Variants in SMIM23 observed in about 807,000 individuals in gnomAD.
SMIM23 encodes the protein small integral membrane protein 23, also known as CTB-78H18.1.
SMIM23 carries 10 observed loss-of-function variants against 12.8 expected under a neutral mutation model. The observed-to-expected ratio is 0.78, with a 90% CI of 0.48 to 1.32. The LOEUF (loss-of-function observed/expected upper bound fraction) is 1.32. Ranked by LOEUF, SMIM23 falls within the 40% of genes most tolerant of loss-of-function variation. The pLI is 0.00. For missense variants in SMIM23, 184 were observed against 198.2 expected, an observed-to-expected ratio of 0.93 and a Z score of 0.43; for synonymous variants, 78 against 80.1, an observed-to-expected ratio of 0.97 and a Z score of 0.14.
At chr5:171,785,426 A>G (rs576859613), upstream of SMIM23, among the ~76,000 whole-genome samples, 2 of 136,656 alleles carry the variant, frequency 1.5e-5, no homozygotes, top group Non-Finnish European at 3.2e-5. Context: ...GTAATTTTTT[A>G]AAAATAGAGA....
chr5:171,782,957 T>C (rs1485081902), upstream of SMIM23, among the ~76,000 whole-genome samples: 1 of 152,200 alleles, frequency 6.6e-6, no homozygotes, highest in Admixed American at 6.5e-5. Context: ...CAGAGCTCTG[T>C]ATGTGGAACT....
At chr5:171,778,037 G>A (rs1240820951), upstream of SMIM23, among the ~76,000 whole-genome samples, 1 of 152,186 alleles carries the variant, frequency 6.6e-6, no homozygotes, top group Non-Finnish European at 1.5e-5. Context: ...ATAGGACTTT[G>A]CAGATGTCAT....
chr5:171,790,130 TA>T lies in SMIM23; in HGVS notation c.106-99del, dbSNP rs1415551803. 47 of 1,203,008 alleles carry T rather than the reference TA, an allele frequency of 3.9e-5. No individual in the cohort carries two copies. In the African/African-American group the frequency reaches 6.4e-4, roughly 16 times the overall value. The allele number at this position is 1,203,008 out of a possible 1,614,324, so 74.5% of individuals were successfully genotyped here. ...AAAAGTTAAACTCAAAAAACTGTCT[TA>T]TAAGCATTCCCATGTCTGGCCCTTT... On this transcript the variant is annotated intron_variant, in intron 1 of 3. Transcript: ENST00000523047.
At chr5:171,773,770 T>G in the SMIM23 span, 746 of 456,188 alleles carry the variant, frequency 1.6e-3, 15 homozygotes, top group South Asian at 0.011. Context: ...GGAACATAGG[T>G]CATTGTGGCC....
chr5:171,787,508 C>A (rs1001673028), intron 1 of SMIM23, among the ~76,000 whole-genome samples: 2 of 152,174 alleles, frequency 1.3e-5, no homozygotes, highest in Non-Finnish European at 2.9e-5. Flanking sequence ...GGGAAGAAAT[C>A]AACCTGTAAA....
upstream of SMIM23, among the ~76,000 whole-genome samples, chr5:171,781,724 A>G (rs1016230700): frequency 4.6e-5 from 7 of 152,206 alleles, no homozygotes; most frequent in Non-Finnish European, 8.8e-5. Flanking sequence ...ATGAAATGCC[A>G]CACGCACCAA....
the SMIM23 span, among the ~76,000 whole-genome samples, chr5:171,776,847 G>A: frequency 1.4e-4 from 22 of 152,292 alleles, no homozygotes; most frequent in South Asian, 1.2e-3. Context: ...ATTGAGGGGC[G>A]CTTCACACTC....
chr5:171,780,654 C>T (rs1755711741), upstream of SMIM23, among the ~76,000 whole-genome samples: 1 of 152,130 alleles, frequency 6.6e-6, no homozygotes, highest in Non-Finnish European at 1.5e-5. Context: ...CTGCATTTGA[C>T]ATTTCAAATG....
Position 171,790,868 on chromosome 5 carries a change from T to G in SMIM23, c.299T>G (p.Leu100Trp). Residue 100 changes from leucine to tryptophan, a missense_variant, in exon 4 of 4, where the codon TTG becomes TGG. Coordinates refer to ENST00000523047, the MANE Select transcript of SMIM23 (RefSeq NM_001289970.2). Reference sequence around the variant, plus strand: ...ATCAGGAACTGGCTGAAGGAGAAGTTGCATGTCTTCTCGGAGAAGTTAGAG... The same window carrying G: ...ATCAGGAACTGGCTGAAGGAGAAGTGGCATGTCTTCTCGGAGAAGTTAGAG... ...KTIRNWLKEK[L>W]HVFSEKLEEE... 1 of 1,536,086 alleles carries G rather than the reference T, an allele frequency of 6.5e-7. No homozygotes were observed. Among genetic ancestry groups the G allele is most frequent in the Non-Finnish European group, 8.7e-7 (1 of 1,146,906 alleles).
chr5:171,782,053 C>G (rs571963952), upstream of SMIM23, among the ~76,000 whole-genome samples: 2 of 152,192 alleles, frequency 1.3e-5, no homozygotes, highest in Admixed American at 6.5e-5. Context: ...TGCTTAGGTA[C>G]CTTTCTAGGT....
Position 171,790,275 on chromosome 5 carries a change from A to T in SMIM23, c.151A>T (p.Ile51Leu). 6.5e-7 allele frequency: 1 copy of T among 1,536,062 alleles called. No individual in the cohort carries two copies. The change falls in exon 2 of 4, where the codon ATA (isoleucine) becomes TTA (leucine). Residue 51 changes from isoleucine to leucine, a missense_variant. Ile to Leu is a conservative substitution (Grantham distance 5). Coordinates refer to ENST00000523047, the MANE Select transcript of SMIM23 (RefSeq NM_001289970.2). ...LILVLYLSTE[I>L]WGSSWEVSER... ...CTTGGTGCTGTACTTGAGCACAGAG[A>T]TATGGGGTGAGCATTCTGGAATCTG...
upstream of SMIM23, among the ~76,000 whole-genome samples, chr5:171,784,909 A>G (rs1439855324): frequency 6.6e-6 from 1 of 152,136 alleles, no homozygotes; most frequent in Non-Finnish European, 1.5e-5. Flanking sequence ...GAATTATACT[A>G]TGTTTTTTTT....
chr5:171,772,806 A>T, the SMIM23 span, among the ~76,000 whole-genome samples: 1 of 152,192 alleles, frequency 6.6e-6, no homozygotes, highest in Non-Finnish European at 1.5e-5. Flanking sequence ...AGACAGTTTT[A>T]AAAATCTGAA....
intron 1 of SMIM23, among the ~76,000 whole-genome samples, chr5:171,787,397 C>A (rs911053864): frequency 6.6e-6 from 1 of 152,080 alleles, no homozygotes; most frequent in Non-Finnish European, 1.5e-5. Flanking sequence ...TGGCTCAGGC[C>A]CCAAGACGAC....
At chr5:171,786,485 G>A (rs1316143003) in intron 1 of SMIM23, among the ~76,000 whole-genome samples, 6 of 152,176 alleles carry the variant, frequency 3.9e-5, no homozygotes, top group Non-Finnish European at 8.8e-5. Context: ...AGGCAAAAGG[G>A]CCGTACAACT....
the SMIM23 span, among the ~76,000 whole-genome samples, chr5:171,775,710 C>T: frequency 1.3e-5 from 2 of 152,026 alleles, no homozygotes; most frequent in South Asian, 2.1e-4. Flanking sequence ...GGAGTTGCTG[C>T]GAGGATTCTA....
In SMIM23 at chr5:171,790,259, G is replaced by A. The variant is rs1409824881; in HGVS notation, c.135G>A (p.Leu45=). The A allele has an allele frequency of 6.5e-7, 1 of 1,536,086 alleles. No individual in the cohort carries two copies. The highest frequency in any genetic ancestry group is 1.4e-5 in the African/African-American group (1 of 73,136). ...TGTTGGCATTGCTGATCTTGGTGCTGTACTTGAGCACAGAGATATGGGGTG... is the reference window on the plus strand; with the variant it reads ...TGTTGGCATTGCTGATCTTGGTGCTATACTTGAGCACAGAGATATGGGGTG... ...QTLLALLILV[L]YLSTEIWGSS... The change falls in exon 2 of 4, where the codon CTG becomes CTA. Residue 45 remains leucine, a synonymous_variant. Transcript: ENST00000523047.
chr5:171,777,595 T>C (rs1755662976), upstream of SMIM23, among the ~76,000 whole-genome samples: 1 of 152,192 alleles, frequency 6.6e-6, no homozygotes, highest in Admixed American at 6.5e-5. Context: ...CAGCAGGCTG[T>C]GAACAAACAC....
chr5:171,790,644 C>T (rs775884855), intron 3 of SMIM23, 95 bp downstream of exon 3: 65 of 1,394,448 alleles, frequency 4.7e-5, no homozygotes, highest in African/African-American at 8.6e-5. Context: ...GATAAGTAGT[C>T]GCTTGTCAAG....
Sources: allele counts gnomAD v4.1 joint callset (sites outside exome capture counted in the v4.1 genomes callset), GRCh38; gene constraint gnomAD v4.1.1; transcripts MANE v1.5; gene names NCBI Gene and HGNC (gene_info 2026-07-23, HGNC 2026-07-21).